The following CPNE8 variants were observed in gnomAD, a reference collection of about 807,000 sequenced individuals.
The protein encoded by CPNE8 is copine-8.
A neutral mutation model predicts 81.5 loss-of-function variants in CPNE8; 45 were observed. The ratio of observed to expected loss-of-function variants is 0.55; its 90% CI spans 0.44 to 0.71. The LOEUF (loss-of-function observed/expected upper bound fraction) is 0.71. Ranked by LOEUF, CPNE8 falls within the 30% of genes least tolerant of loss-of-function variation. CPNE8 has a pLI of 0.00. For missense variants in CPNE8, 594 were observed against 672.1 expected (o/e 0.88, Z 1.28); for synonymous variants, 252 against 226.3 (o/e 1.11, Z -1.02).
At position 38,776,123 on chromosome 12, in the gene CPNE8, A is replaced by T. The variant is rs537264008; in HGVS notation, c.471+115T>A. On this transcript the variant is annotated intron_variant, in intron 7 of 19. Coordinates refer to ENST00000331366, the MANE Select transcript of CPNE8 (RefSeq NM_153634.3). Reference sequence around the variant, plus strand: ...CCTAAAATGATATTTTATGGGTTATAAAATTGTATAACACTTTTGCTACAA... The same window carrying T: ...CCTAAAATGATATTTTATGGGTTATTAAATTGTATAACACTTTTGCTACAA... 6.8e-4 allele frequency: 299 copies of T among 440,144 alleles called. 1 individual carries two copies. The East Asian group carries it at 0.011, about 16-fold the overall frequency. 27.3% of individuals were successfully genotyped at this position (440,144 alleles called of 1,614,324 possible).
At chr12:38,710,724 A>G (rs935412219) in intron 13 of CPNE8, among the ~76,000 whole-genome samples, 1 of 152,192 alleles carries the variant, frequency 6.6e-6, no homozygotes, top group Non-Finnish European at 1.5e-5. Context: ...AATGTGGGTT[A>G]GTGATGTATC....
At chr12:38,654,377 C>G (rs1002974068) in intron 19 of CPNE8, among the ~76,000 whole-genome samples, 1 of 151,434 alleles carries the variant, frequency 6.6e-6, no homozygotes, top group African/African-American at 2.4e-5. Flanking sequence ...TAGCTGGGTG[C>G]GGTGGCACAC....
At chr12:38,871,970 T>C (rs897691033) in intron 3 of CPNE8, among the ~76,000 whole-genome samples, 2 of 152,080 alleles carry the variant, frequency 1.3e-5, no homozygotes, top group Non-Finnish European at 2.9e-5. Context: ...ACCCCGTCTC[T>C]ACCAAAAATA....
chr12:38,742,069 G>A (rs1213609313), intron 10 of CPNE8, among the ~76,000 whole-genome samples: 2 of 152,148 alleles, frequency 1.3e-5, no homozygotes, highest in African/African-American at 4.8e-5. Context: ...CTTTTATACT[G>A]TTGGTGGGAC....
upstream of CPNE8, chr12:38,906,700 G>T: frequency 2.9e-6 from 2 of 688,666 alleles, no homozygotes; most frequent in Non-Finnish European, 3.6e-6. Context: ...GGAGGTAGAC[G>T]AGGCGCCCCT....
chr12:38,802,569 A>T (rs1235394663), intron 6 of CPNE8, among the ~76,000 whole-genome samples: 1 of 124,598 alleles, frequency 8.0e-6, no homozygotes, highest in East Asian at 2.5e-4. Flanking sequence ...AAGATCCAAA[A>T]TTGACACCCT....
intron 14 of CPNE8, among the ~76,000 whole-genome samples, chr12:38,698,059 C>A (rs1048372054): frequency 6.6e-6 from 1 of 152,174 alleles, no homozygotes; most frequent in East Asian, 1.9e-4. Context: ...TTCTTCATAT[C>A]GTCACCAGCA....
At chr12:38,657,834 A>C (rs118163500) in intron 19 of CPNE8, among the ~76,000 whole-genome samples, 4,622 of 152,338 alleles carry the variant, frequency 0.03, 86 homozygotes, top group Non-Finnish European at 0.045. Flanking sequence ...ACTAACAAAC[A>C]GAAAGCAGTA....
chr12:38,713,386 A>G (rs908139042), intron 13 of CPNE8, among the ~76,000 whole-genome samples: 12 of 152,172 alleles, frequency 7.9e-5, no homozygotes, highest in Admixed American at 6.5e-4. Context: ...CAACGAAGAT[A>G]TAGAGTTCAG....
At chr12:38,856,650 T>C (rs1943741226) in intron 3 of CPNE8, among the ~76,000 whole-genome samples, 1 of 152,160 alleles carries the variant, frequency 6.6e-6, no homozygotes, top group Admixed American at 6.5e-5. Context: ...TTACAAATTT[T>C]TCAAAATGCC....
intron 16 of CPNE8, among the ~76,000 whole-genome samples, chr12:38,681,778 C>T (rs1939414198): frequency 6.6e-6 from 1 of 152,194 alleles, no homozygotes; most frequent in Non-Finnish European, 1.5e-5. Flanking sequence ...TGAGCCAATT[C>T]CTTAAAATAT....
chr12:38,798,676 A>G (rs999278303), intron 6 of CPNE8, among the ~76,000 whole-genome samples: 2 of 152,146 alleles, frequency 1.3e-5, no homozygotes, highest in African/African-American at 4.8e-5. Context: ...TCATAATGAC[A>G]GGATCAAATT....
At chr12:38,904,814 C>T (rs1592168374) in intron 1 of CPNE8, among the ~76,000 whole-genome samples, 1 of 151,838 alleles carries the variant, frequency 6.6e-6, no homozygotes, top group Non-Finnish European at 1.5e-5. Context: ...GATGTGGGCC[C>T]GAAAACAAAT....
intron 8 of CPNE8, among the ~76,000 whole-genome samples, chr12:38,767,261 A>G (rs1404928591): frequency 6.6e-6 from 1 of 152,110 alleles, no homozygotes; most frequent in Non-Finnish European, 1.5e-5. Context: ...TATTGGCAAA[A>G]AAAACCCACA....
chr12:38,763,815 C>G (rs1010678981), intron 8 of CPNE8, among the ~76,000 whole-genome samples: 1 of 152,174 alleles, frequency 6.6e-6, no homozygotes, highest in African/African-American at 2.4e-5. Context: ...AATTATCTAA[C>G]AGTAATGACA....
chr12:38,805,864 T>C (rs1001942433), intron 6 of CPNE8, among the ~76,000 whole-genome samples: 4 of 149,302 alleles, frequency 2.7e-5, no homozygotes, highest in African/African-American at 4.9e-5. Flanking sequence ...CTAGCAAGAC[T>C]AATAAAGAAG....
intron 4 of CPNE8, among the ~76,000 whole-genome samples, chr12:38,847,267 T>C (rs930235744): frequency 5.3e-5 from 8 of 152,060 alleles, no homozygotes; most frequent in Admixed American, 4.6e-4. Context: ...CAAAGAATCA[T>C]GAAATAGAGG....
chr12:38,792,011 TA>T (rs567385045), intron 6 of CPNE8, among the ~76,000 whole-genome samples: 2,685 of 139,896 alleles, frequency 0.019, 50 homozygotes, highest in African/African-American at 0.041. Context: ...TAGGAGAAAT[TA>T]AAAAAAAAAA....
chr12:38,666,092 A>T (rs1403498139), intron 19 of CPNE8, among the ~76,000 whole-genome samples: 1 of 152,180 alleles, frequency 6.6e-6, no homozygotes, highest in Non-Finnish European at 1.5e-5. Context: ...CTTTTAATGC[A>T]CGTAAGAGGA....
Sources: gnomAD v4.1 joint callset for allele counts (sites outside exome capture counted in the v4.1 genomes callset) on GRCh38, gnomAD v4.1.1 for gene constraint, MANE v1.5 for transcripts, NCBI Gene and HGNC (gene_info 2026-07-23, HGNC 2026-07-21) for gene names.